Variants in CERT1 observed in about 807,000 individuals in gnomAD.
The protein encoded by CERT1 is ceramide transfer protein.
In CERT1, 31 loss-of-function variants were observed where a neutral mutation model predicts 87.9. The observed-to-expected ratio is 0.35, with a 90% CI of 0.27 to 0.48. The LOEUF (loss-of-function observed/expected upper bound fraction) is 0.48. Ranked by LOEUF, CERT1 falls within the 20% of genes least tolerant of loss-of-function variation. The pLI is 0.99. For missense variants in CERT1, 487 were observed against 758.0 expected (o/e 0.64, Z 4.20); for synonymous variants, 289 against 250.9 (o/e 1.15, Z -1.44).
chr5:75,501,119 C>A (rs1010260066), intron 2 of CERT1, among the ~76,000 whole-genome samples: 1 of 151,952 alleles, frequency 6.6e-6, no homozygotes. Context: ...GAAGCTGAGA[C>A]TACAGATGTG....
At chr5:75,466,495 T>G (rs1278168083) in intron 2 of CERT1, among the ~76,000 whole-genome samples, 2 of 152,184 alleles carry the variant, frequency 1.3e-5, no homozygotes, top group Non-Finnish European at 2.9e-5. Context: ...CTTCTAGATG[T>G]CTGAGACCCA....
intron 3 of CERT1, among the ~76,000 whole-genome samples, chr5:75,437,407 C>T (rs932331529): frequency 6.6e-6 from 1 of 152,116 alleles, no homozygotes; most frequent in Non-Finnish European, 1.5e-5. Flanking sequence ...TACACTTGTA[C>T]TTCTAAGTCT....
At chr5:75,424,667 C>T (rs1763529435) in intron 5 of CERT1, among the ~76,000 whole-genome samples, 1 of 151,854 alleles carries the variant, frequency 6.6e-6, no homozygotes, top group Admixed American at 6.6e-5. Context: ...AGAAAGAGAT[C>T]AACTGGTTGA....
At chr5:75,464,210 A>G (rs187041533) in intron 2 of CERT1, among the ~76,000 whole-genome samples, 2 of 152,320 alleles carry the variant, frequency 1.3e-5, no homozygotes, top group East Asian at 1.9e-4. Context: ...ACAACATTGG[A>G]GAAGTAAAGG....
intron 2 of CERT1, among the ~76,000 whole-genome samples, chr5:75,469,575 T>C (rs922790513): frequency 6.6e-6 from 1 of 151,974 alleles, no homozygotes; most frequent in Non-Finnish European, 1.5e-5. Flanking sequence ...AACCTTATGG[T>C]AATCACAAAG....
At chr5:75,393,104 C>T (rs1224137352) in intron 11 of CERT1, among the ~76,000 whole-genome samples, 3 of 146,824 alleles carry the variant, frequency 2.0e-5, no homozygotes, top group Non-Finnish European at 4.5e-5. Context: ...ATTTGACATT[C>T]TAGGAAATAA....
chr5:75,432,544 C>CT (rs1181533009), intron 3 of CERT1, among the ~76,000 whole-genome samples: 7 of 152,130 alleles, frequency 4.6e-5, no homozygotes, highest in Non-Finnish European at 8.8e-5. Context: ...CTTTGCCCAT[C>CT]GTTTAATGGG....
intron 2 of CERT1, among the ~76,000 whole-genome samples, chr5:75,474,368 C>T (rs1422646616): frequency 1.3e-5 from 2 of 152,082 alleles, no homozygotes; most frequent in Non-Finnish European, 2.9e-5. Context: ...TTCTACAACT[C>T]GGTGTCTGAG....
intron 2 of CERT1, among the ~76,000 whole-genome samples, chr5:75,494,257 T>C (rs984618921): frequency 1.2e-4 from 19 of 152,208 alleles, no homozygotes; most frequent in Non-Finnish European, 2.2e-4. Flanking sequence ...TGGGCTACTT[T>C]GCTAGGGAAG....
intron 3 of CERT1, among the ~76,000 whole-genome samples, chr5:75,442,582 C>T (rs1764365677): frequency 6.6e-6 from 1 of 152,132 alleles, no homozygotes; most frequent in Non-Finnish European, 1.5e-5. Context: ...ATCTAGGTTA[C>T]CCGATTTTAG....
At chr5:75,426,319 A>G in intron 4 of CERT1, 52 bp downstream of exon 4, 1 of 1,266,282 alleles carries the variant, frequency 7.9e-7, no homozygotes, top group Non-Finnish European at 1.2e-6. Flanking sequence ...ACAACATCCA[A>G]TACTAAACTC....
At chr5:75,507,544 C>A (rs1767710836) in intron 1 of CERT1, among the ~76,000 whole-genome samples, 1 of 152,164 alleles carries the variant, frequency 6.6e-6, no homozygotes, top group Non-Finnish European at 1.5e-5. Context: ...ACCACTTAGA[C>A]ACGGGCTTGA....
rs140218818 is a variant in CERT1, at chr5:75,387,103, A to T, written c.1285-1069T>A. On this transcript the variant is annotated intron_variant, in intron 12 of 16. Transcript: ENST00000643780. ...AAGCTGGTCTCAAACTTCTGACCTC[A>T]GATGATCTGCCCGCCTTGGCCTCCC... Among the ~76,000 whole-genome samples the T allele has an allele frequency of 1.3e-3, 202 of 152,214 alleles. 2 individuals carry two copies. The highest frequency in any genetic ancestry group is 4.6e-3 in the African/African-American group (193 of 41,558).
At chr5:75,443,823 C>CT (rs1764421113) in intron 3 of CERT1, among the ~76,000 whole-genome samples, 1 of 152,262 alleles carries the variant, frequency 6.6e-6, no homozygotes, top group East Asian at 1.9e-4. Context: ...TTTTGATGGT[C>CT]TGTCATTAGA....
intron 2 of CERT1, among the ~76,000 whole-genome samples, chr5:75,482,038 A>G (rs2112393421): frequency 6.6e-6 from 1 of 152,312 alleles, no homozygotes; most frequent in East Asian, 1.9e-4. Context: ...TGATAAAAAT[A>G]TATTTTAATG....
chr5:75,386,058 CTGTT>C (rs757647793), intron 12 of CERT1, 24 bp from the exon 13 acceptor site: 3 of 1,437,382 alleles, frequency 2.1e-6, no homozygotes, highest in Middle Eastern at 1.9e-4. Flanking sequence ...AATTCCAAAA[CTGTT>C]TGAAAATTAA....
intron 3 of CERT1, among the ~76,000 whole-genome samples, chr5:75,445,028 C>A (rs918266807): frequency 1.3e-5 from 2 of 152,194 alleles, no homozygotes; most frequent in African/African-American, 2.4e-5. Context: ...CTTTGAAGCT[C>A]TGTCTTCACC....
At chr5:75,369,871 T>C (rs555996059) in intron 17 of CERT1, 1 of 152,316 alleles carries the variant, frequency 6.6e-6, no homozygotes, top group East Asian at 1.9e-4. Flanking sequence ...CTATTCAAAG[T>C]ATACAGATGT....
intron 16 of CERT1, among the ~76,000 whole-genome samples, chr5:75,380,051 T>C (rs1286520512): frequency 6.6e-6 from 1 of 152,208 alleles, no homozygotes; most frequent in Non-Finnish European, 1.5e-5. Context: ...TAGGGCAGAT[T>C]ATTCACAAAT....
Sources: allele counts gnomAD v4.1 joint callset (sites outside exome capture counted in the v4.1 genomes callset), GRCh38; gene constraint gnomAD v4.1.1; transcripts MANE v1.5; gene names NCBI Gene and HGNC (gene_info 2026-07-23, HGNC 2026-07-21).